Variants in NAV2 observed in about 807,000 individuals in gnomAD.
NAV2 encodes the protein neuron navigator 2.
Under a neutral mutation model 223.2 loss-of-function variants are expected in NAV2, and 54 were observed. The ratio of observed to expected loss-of-function variants is 0.24; its 90% CI spans 0.19 to 0.30. NAV2 has a LOEUF of 0.30. Ranked by LOEUF, NAV2 falls within the 10% of genes least tolerant of loss-of-function variation. NAV2 has a pLI of 1.00. For missense variants in NAV2, 2,806 were observed against 3,147.5 expected (o/e 0.89, Z 2.60); for synonymous variants, 1,279 against 1,239.3 (o/e 1.03, Z -0.67).
rs1055737090 is a variant in NAV2, at chr11:19,933,114, T to A, written c.932-62T>A. On this transcript the variant is annotated intron_variant, in intron 6 of 37. Coordinates refer to ENST00000349880, the MANE Select transcript of NAV2 (RefSeq NM_145117.5). This position sits in a 1 kb window ranked among gnomAD's most constrained non-coding sequence, Gnocchi z 4.3. ...TTGGTTGTGTGGCCATGGCTGACCC[T>A]CCCTGGTCTTCAGTGCAGGTCAACA... is the stretch of plus-strand genomic sequence containing the variant. 2 of 1,470,552 alleles carry A rather than the reference T, an allele frequency of 1.4e-6. No homozygotes were observed. Among genetic ancestry groups the A allele is most frequent in the African/African-American group, 1.4e-5 (1 of 71,114 alleles). The allele number at this position is 1,470,552 out of a possible 1,614,324, so 91.1% of individuals were successfully genotyped here. A position where few individuals can be genotyped will look rare whatever the true frequency, so the allele number is the denominator to read the frequency against.
intron 11 of NAV2, among the ~76,000 whole-genome samples, chr11:20,017,785 T>C (rs2054136369): frequency 6.6e-6 from 1 of 152,222 alleles, no homozygotes; most frequent in African/African-American, 2.4e-5. Flanking sequence ...AAATCTTTGC[T>C]AAAGACTCTC....
intron 1 of NAV2, among the ~76,000 whole-genome samples, chr11:19,828,089 A>T (rs1329533568): frequency 6.6e-6 from 1 of 152,182 alleles, no homozygotes; most frequent in Non-Finnish European, 1.5e-5. Flanking sequence ...CTGAGTTCGA[A>T]GCTGCAGTGA....
chr11:19,446,127 A>G (rs1439369740), intron 1 of NAV2, among the ~76,000 whole-genome samples: 1 of 152,186 alleles, frequency 6.6e-6, no homozygotes, highest in Admixed American at 6.5e-5. Context: ...AGGAAACAAC[A>G]CAAGAAAAAC....
At chr11:19,362,404 A>T (rs969531591) in intron 1 of NAV2, among the ~76,000 whole-genome samples, 4 of 152,202 alleles carry the variant, frequency 2.6e-5, no homozygotes, top group African/African-American at 9.6e-5. Flanking sequence ...CAAGGGTAAT[A>T]TCAATGAGAT....
Position 19,986,477 on chromosome 11 carries a change from G to A in NAV2, c.2768+2230G>A, listed in dbSNP as rs116072467. ...TCTACTAAGAATGCAAAAATTAGCC[G>A]TTTGTGGTGATGCACAACTGTAATC... On this transcript the variant is annotated intron_variant, in intron 11 of 37. Transcript: ENST00000349880. 8.2e-3 allele frequency among the ~76,000 whole-genome samples: 1,252 copies of A among 152,206 alleles called. 22 individuals carry two copies. Among genetic ancestry groups the A allele is most frequent in the African/African-American group, 0.029 (1,185 of 41,526 alleles).
At chr11:19,452,113 T>A (rs1450098391) in intron 1 of NAV2, among the ~76,000 whole-genome samples, 1 of 29,158 alleles carries the variant, frequency 3.4e-5, no homozygotes, top group Non-Finnish European at 7.9e-5. Flanking sequence ...CAAAAGTGTG[T>A]GTGTGTGTGT....
chr11:20,070,640 G>A (rs765710111), intron 22 of NAV2, among the ~76,000 whole-genome samples: 46 of 152,118 alleles, frequency 3.0e-4, no homozygotes, highest in Non-Finnish European at 4.3e-4. Flanking sequence ...CATCTTTCTC[G>A]CAAACCAAGC....
chr11:19,751,834 T>C lies in NAV2; in HGVS notation c.267+37872T>C, dbSNP rs73429743. On this transcript the variant is annotated intron_variant, in intron 1 of 37. Coordinates refer to ENST00000349880, the MANE Select transcript of NAV2 (RefSeq NM_145117.5). ...GAGTAGAGAGCAGAGAGGGATTAGA[T>C]AGGAAAATAAGTGAATCTCAGCTGT... is the stretch of plus-strand genomic sequence containing the variant. Among the ~76,000 whole-genome samples, 546 of 152,260 alleles carry C rather than the reference T, an allele frequency of 3.6e-3. 6 individuals are homozygous for C. Among genetic ancestry groups the C allele is most frequent in the African/African-American group, 0.012 (508 of 41,554 alleles).
intron 25 of NAV2, among the ~76,000 whole-genome samples, chr11:20,081,973 G>A (rs192455658): frequency 5.1e-4 from 78 of 151,832 alleles, no homozygotes; most frequent in Non-Finnish European, 7.1e-4. Flanking sequence ...CAACAGAGGC[G>A]GGGGGGAAAG....
chr11:20,095,586 A>T, intron 29 of NAV2, 86 bp from the exon 30 acceptor site: 1 of 872,886 alleles, frequency 1.1e-6, no homozygotes, highest in Non-Finnish European at 1.9e-6. Context: ...CCATTGGCGG[A>T]GTTCTAAGGC....
At chr11:19,473,037 A>T (rs2042011073) in intron 1 of NAV2, among the ~76,000 whole-genome samples, 1 of 152,214 alleles carries the variant, frequency 6.6e-6, no homozygotes, top group African/African-American at 2.4e-5. Flanking sequence ...GAGAGCAGCC[A>T]TGCCAGGAAT....
chr11:19,922,215 T>G (rs991928318), intron 6 of NAV2, among the ~76,000 whole-genome samples: 9 of 152,040 alleles, frequency 5.9e-5, no homozygotes, highest in Non-Finnish European at 8.8e-5. Flanking sequence ...AGAATGGTCC[T>G]GAGTCATGGA....
chr11:19,864,147 T>G (rs2061953650), intron 3 of NAV2, among the ~76,000 whole-genome samples: 1 of 152,240 alleles, frequency 6.6e-6, no homozygotes, highest in Non-Finnish European at 1.5e-5. Context: ...CATGCCTGAC[T>G]TTAATGCAGC....
intron 1 of NAV2, among the ~76,000 whole-genome samples, chr11:19,517,666 C>T (rs2043500936): frequency 6.6e-6 from 1 of 152,234 alleles, no homozygotes; most frequent in Non-Finnish European, 1.5e-5. Context: ...GATATTGCAC[C>T]ATGCACCAGT....
rs574255990 is a variant in NAV2, at chr11:20,094,292, C to T, written c.5916+1093C>T. ...TTGCCCAGGCTGGAGTGCAGTGGTG[C>T]GATCTTGGCTCACTGCAACCTCTGC... On this transcript the variant is annotated intron_variant, in intron 29 of 37. Transcript: ENST00000349880. Among the ~76,000 whole-genome samples the T allele has an allele frequency of 1.0e-3, 132 of 126,594 alleles. 1 individual carries two copies. The highest frequency in any genetic ancestry group is 1.7e-3 in the Admixed American group (16 of 9,478). 83.1% of individuals were successfully genotyped at this position (126,594 alleles called of 152,430 possible).
intron 6 of NAV2, among the ~76,000 whole-genome samples, chr11:19,907,983 G>A (rs2043009321): frequency 6.6e-6 from 1 of 152,206 alleles, no homozygotes; most frequent in Non-Finnish European, 1.5e-5. Flanking sequence ...GGAGCAGGGA[G>A]CTTTCTGTGT....
At chr11:19,675,945 A>T (rs983426918) in intron 1 of NAV2, among the ~76,000 whole-genome samples, 1 of 152,158 alleles carries the variant, frequency 6.6e-6, no homozygotes, top group Non-Finnish European at 1.5e-5. Context: ...CCTTACAACA[A>T]CCCTAAGGGC....
At chr11:19,725,167 A>G (rs2051134424) in intron 1 of NAV2, among the ~76,000 whole-genome samples, 1 of 152,240 alleles carries the variant, frequency 6.6e-6, no homozygotes, top group Non-Finnish European at 1.5e-5. Flanking sequence ...TGAGATGGAT[A>G]CTTTTGTGAT....
At chr11:19,402,990 GCC>G (rs1165621787) in intron 1 of NAV2, among the ~76,000 whole-genome samples, 1 of 152,184 alleles carries the variant, frequency 6.6e-6, no homozygotes, top group Non-Finnish European at 1.5e-5. Flanking sequence ...GCGGTGAAGA[GCC>G]CAGACTCTAG....
Sources: allele counts gnomAD v4.1 joint callset (sites outside exome capture counted in the v4.1 genomes callset), GRCh38; gene constraint gnomAD v4.1.1; non-coding constraint Gnocchi (gnomAD v3.1); transcripts MANE v1.5; gene names NCBI Gene and HGNC (gene_info 2026-07-23, HGNC 2026-07-21).